FANCD2OS: variants seen among roughly 807,000 people sequenced by gnomAD.
FANCD2OS encodes the protein FANCD2 opposite strand protein.
Under a neutral mutation model 13.2 loss-of-function variants are expected in FANCD2OS, and 11 were observed. That is an observed-to-expected ratio of 0.83 (90% CI 0.52 to 1.38). The LOEUF (loss-of-function observed/expected upper bound fraction) is 1.38, where lower values mean the gene tolerates loss of function less well. Ranked by LOEUF, FANCD2OS falls within the 40% of genes most tolerant of loss-of-function variation. FANCD2OS has a pLI of 0.00. For synonymous variants in FANCD2OS, 69 were observed against 84.5 expected (o/e 0.82, Z 1.01); for missense variants, 217 against 213.9 (o/e 1.01, Z -0.09).
intron 2 of FANCD2OS, among the ~76,000 whole-genome samples, chr3:10,089,616 C>A (rs962860391): frequency 6.6e-6 from 1 of 152,078 alleles, no homozygotes; most frequent in Non-Finnish European, 1.5e-5. Context: ...ATTATAGGCA[C>A]CCACCACCAC....
At chr3:10,103,135 G>A (rs1158807501), downstream of FANCD2OS, 1 of 428,322 alleles carries the variant, frequency 2.3e-6, no homozygotes. Flanking sequence ...GGGCGCAGTG[G>A]CTCATGCCTA....
Position 10,108,243 on chromosome 3 carries a change from C to T in FANCD2OS, c.-237G>A, listed in dbSNP as rs923139227. On this transcript the variant is annotated 5_prime_UTR_variant, in exon 1 of 2. The change creates a new upstream start codon in the 5' untranslated region. Coordinates refer to ENST00000450660, the MANE Select transcript of FANCD2OS (RefSeq NM_001164839.2). ...TCCCACCATCCGGGCCCGGGGCTCA[C>T]CTGCTGAACTCTGAGGGTCTCACGC... 2.0e-5 allele frequency: 3 copies of T among 152,456 alleles called. No individual in the cohort carries two copies. The East Asian group carries it at 5.8e-4, about 29-fold the overall frequency. The allele number at this position is 152,456 out of a possible 1,614,324, so 9.4% of individuals were successfully genotyped here. A position where few individuals can be genotyped will look rare whatever the true frequency, so the allele number is the denominator to read the frequency against.
intron 2 of FANCD2OS, among the ~76,000 whole-genome samples, chr3:10,089,153 C>G (rs945573804): frequency 6.6e-6 from 1 of 151,996 alleles, no homozygotes; most frequent in Non-Finnish European, 1.5e-5. Context: ...GGCGTGGTGG[C>G]ACATGCCTGT....
At chr3:10,094,166 AATTTGTTTTTT>A (rs1265468058) in intron 2 of FANCD2OS, 1 of 744,658 alleles carries the variant, frequency 1.3e-6, no homozygotes, top group African/African-American at 1.8e-5. Context: ...GACCCTTCCC[AATTTGTTTTTT>A]ATATATATAA....
chr3:10,081,355 G>A (rs2125059945), exon 3 of FANCD2OS: 1 of 1,613,804 alleles, frequency 6.2e-7, no homozygotes, highest in Non-Finnish European at 8.5e-7. Flanking sequence ...GTGTTTAGCT[G>A]CTGAGAATCA....
At chr3:10,100,865 T>C (rs954123288), downstream of FANCD2OS, among the ~76,000 whole-genome samples, 2 of 151,164 alleles carry the variant, frequency 1.3e-5, no homozygotes, top group Non-Finnish European at 3.0e-5. Flanking sequence ...AGGCCAGGAG[T>C]TTGAGACCAG....
At chr3:10,085,902 G>A (rs2125069627) in intron 2 of FANCD2OS, 1 of 1,612,088 alleles carries the variant, frequency 6.2e-7, no homozygotes, top group Non-Finnish European at 8.5e-7. Flanking sequence ...AACACAGCCA[G>A]CCTTTGGAGG....
chr3:10,082,479 T>A (rs1156826412), intron 2 of FANCD2OS, among the ~76,000 whole-genome samples: 1 of 152,184 alleles, frequency 6.6e-6, no homozygotes, highest in Admixed American at 6.5e-5. Context: ...CTCTTAGATT[T>A]TTCTTGAGTT....
intron 2 of FANCD2OS, chr3:10,081,661 GT>G (rs1693845783): frequency 3.2e-6 from 2 of 615,548 alleles, no homozygotes; most frequent in Non-Finnish European, 5.8e-6. Context: ...GAGCCACTAT[GT>G]TAACCCATTT....
intron 2 of FANCD2OS, among the ~76,000 whole-genome samples, chr3:10,094,029 C>G (rs1381524361): frequency 1.3e-5 from 2 of 152,212 alleles, no homozygotes; most frequent in African/African-American, 2.4e-5. Context: ...TGCTCTCACT[C>G]CTAAGCTGAG....
intron 2 of FANCD2OS, chr3:10,085,732 A>G (rs1694153905): frequency 1.1e-6 from 1 of 912,104 alleles, no homozygotes; most frequent in African/African-American, 1.6e-5. Context: ...GATGGTACAG[A>G]CTGGAGGCCA....
chr3:10,103,119 A>T, downstream of FANCD2OS: 1 of 441,626 alleles, frequency 2.3e-6, no homozygotes, highest in Non-Finnish European at 4.5e-6. Context: ...ACAAAAATTA[A>T]TGGCCGGGCG....
chr3:10,090,247 G>A, intron 2 of FANCD2OS: 5 of 1,400,498 alleles, frequency 3.6e-6, no homozygotes, highest in Non-Finnish European at 5.1e-6. Flanking sequence ...GTAGTTCTAA[G>A]CAGTGCATCA....
chr3:10,087,001 C>T (rs1049335809), intron 2 of FANCD2OS: 2 of 968,514 alleles, frequency 2.1e-6, no homozygotes, highest in African/African-American at 3.2e-5. Context: ...GCTACTAAAG[C>T]ACCTGAAAAT....
intron 2 of FANCD2OS, among the ~76,000 whole-genome samples, chr3:10,095,635 A>G (rs1456340139): frequency 2.0e-5 from 3 of 152,224 alleles, no homozygotes. Context: ...AGCCATCTGT[A>G]GAGGCTTTCA....
intron 2 of FANCD2OS, chr3:10,085,758 A>T: frequency 8.9e-7 from 1 of 1,122,036 alleles, no homozygotes; most frequent in Non-Finnish European, 1.4e-6. Flanking sequence ...CTTAAATACT[A>T]TCCAAGTAGT....
intron 2 of FANCD2OS, among the ~76,000 whole-genome samples, chr3:10,097,646 G>C (rs1695053087): frequency 6.6e-6 from 1 of 152,100 alleles, no homozygotes; most frequent in African/African-American, 2.4e-5. Flanking sequence ...CACACATGCT[G>C]TACAATTTGT....
chr3:10,091,816 C>T (rs1694628143), intron 2 of FANCD2OS, among the ~76,000 whole-genome samples: 1 of 152,158 alleles, frequency 6.6e-6, no homozygotes, highest in Non-Finnish European at 1.5e-5. Context: ...CAACTACCAC[C>T]GGGTGCAGTG....
chr3:10,087,006 G>C (rs1419107189), intron 2 of FANCD2OS: 1 of 1,039,540 alleles, frequency 9.6e-7, no homozygotes, highest in South Asian at 1.3e-5. Flanking sequence ...TAAAGCACCT[G>C]AAAATAAGGA....
Sources: gnomAD v4.1 joint callset for allele counts (sites outside exome capture counted in the v4.1 genomes callset) on GRCh38, gnomAD v4.1.1 for gene constraint, MANE v1.5 for transcripts, NCBI Gene and HGNC (gene_info 2026-07-23, HGNC 2026-07-21) for gene names.